PCDH15: variants seen among roughly 807,000 people sequenced by gnomAD.
PCDH15 encodes protocadherin-15.
A neutral mutation model predicts 178.5 loss-of-function variants in PCDH15; 129 were observed. That is an observed-to-expected ratio of 0.72 (90% confidence interval 0.63 to 0.84). PCDH15 has a LOEUF of 0.84. Among genes scored for constraint, PCDH15 ranks in the 40% least tolerant of loss-of-function variants. The pLI is 0.00. For synonymous variants in PCDH15, 800 were observed against 732.0 expected (o/e 1.09, Z -1.50); for missense variants, 2,230 against 2,099.9 (o/e 1.06, Z -1.21).
chr10:54,411,017 TTAAGTA>T (rs1438091383), intron 3 of PCDH15, among the ~76,000 whole-genome samples: 1 of 152,104 alleles, frequency 6.6e-6, no homozygotes, highest in African/African-American at 2.4e-5. Flanking sequence ...TATATAGAGT[TTAAGTA>T]TGTGTCTCTG....
At position 54,563,689 on chromosome 10, in the gene PCDH15, A is replaced by G. The variant is rs147414846; in HGVS notation, c.92-35812T>C. On this transcript the variant is annotated intron_variant, in intron 2 of 37. Coordinates refer to ENST00000644397, the MANE Select transcript of PCDH15 (RefSeq NM_001384140.1). ...AAGGACATCACCTTGCCCTACCAAG[A>G]GAAGGTAGCTGTTAAATTGTGGCTC... is the stretch of plus-strand genomic sequence containing the variant. Among the ~76,000 whole-genome samples the G allele has an allele frequency of 3.0e-3, 458 of 152,262 alleles. 2 individuals are homozygous for G. The highest frequency in any genetic ancestry group is 0.011 in the African/African-American group (446 of 41,584).
chr10:54,855,614 T>C (rs1321814953), intron 3 of PCDH15, among the ~76,000 whole-genome samples: 3 of 152,212 alleles, frequency 2.0e-5, no homozygotes, highest in Non-Finnish European at 4.4e-5. Flanking sequence ...AAATATAGTA[T>C]CTGAGGATCT....
intron 8 of PCDH15, among the ~76,000 whole-genome samples, chr10:54,305,593 A>C (rs756135569): frequency 2.6e-5 from 4 of 152,052 alleles, no homozygotes; most frequent in Non-Finnish European, 5.9e-5. Flanking sequence ...CTCTGTTTTC[A>C]GATGTTTTTA....
At chr10:54,167,276 T>C (rs963678052) in intron 13 of PCDH15, among the ~76,000 whole-genome samples, 19 of 152,146 alleles carry the variant, frequency 1.2e-4, no homozygotes, top group African/African-American at 4.6e-4. Context: ...TCAAATCAGG[T>C]AAGCGGCCTC....
At chr10:54,621,141 C>G (rs74136225) in intron 2 of PCDH15, among the ~76,000 whole-genome samples, 53 of 152,016 alleles carry the variant, frequency 3.5e-4, no homozygotes, top group African/African-American at 1.3e-3. Context: ...GATTCATTCA[C>G]AAATGCAAAA....
intron 2 of PCDH15, among the ~76,000 whole-genome samples, chr10:55,474,378 A>G (rs956212486): frequency 6.6e-6 from 1 of 152,192 alleles, no homozygotes; most frequent in Non-Finnish European, 1.5e-5. Context: ...TTGAATCATT[A>G]AACTCTAAAA....
chr10:55,325,162 A>G (rs1276978897), intron 2 of PCDH15, among the ~76,000 whole-genome samples: 1 of 152,182 alleles, frequency 6.6e-6, no homozygotes, highest in Non-Finnish European at 1.5e-5. Flanking sequence ...CAATTTATAG[A>G]TTCAATGCCA....
At chr10:54,539,975 C>A (rs1295324132) in intron 2 of PCDH15, among the ~76,000 whole-genome samples, 1 of 151,956 alleles carries the variant, frequency 6.6e-6, no homozygotes, top group Non-Finnish European at 1.5e-5. Context: ...CGCAAAATAC[C>A]AACATCTCTG....
intron 26 of PCDH15, among the ~76,000 whole-genome samples, chr10:53,881,306 G>A (rs1259014697): frequency 1.3e-5 from 2 of 152,126 alleles, no homozygotes; most frequent in Non-Finnish European, 2.9e-5. Flanking sequence ...GACTCAGAAA[G>A]GTGGGAGGGT....
Position 53,930,184 on chromosome 10 carries a change from C to T in PCDH15, c.3373+8631G>A, listed in dbSNP as rs187250506. Among the ~76,000 whole-genome samples, 10 of 151,416 alleles carry T rather than the reference C, an allele frequency of 6.6e-5. No individual in the cohort carries two copies. The East Asian group carries it at 1.8e-3, about 27-fold the overall frequency. ...AGAAATAGCAACGCATTCGGCTGGG[C>T]GCGGTGGTTCACGCCTGTAATCCCA... is the stretch of plus-strand genomic sequence containing the variant. On this transcript the variant is annotated intron_variant, in intron 25 of 37. Transcript: ENST00000644397.
intron 13 of PCDH15, among the ~76,000 whole-genome samples, chr10:54,156,181 G>A (rs185681231): frequency 1.8e-4 from 28 of 152,012 alleles, no homozygotes; most frequent in East Asian, 3.9e-4. Flanking sequence ...ATTTCTTTTC[G>A]ATGATGTTTT....
At chr10:55,502,149 C>T (rs1039146678) in intron 2 of PCDH15, among the ~76,000 whole-genome samples, 8 of 151,612 alleles carry the variant, frequency 5.3e-5, no homozygotes, top group Middle Eastern at 3.4e-3. Flanking sequence ...TGCCTTGAAA[C>T]ATCAGGGCTT....
chr10:55,067,611 G>A (rs965586056), intron 2 of PCDH15, among the ~76,000 whole-genome samples: 2 of 149,192 alleles, frequency 1.3e-5, no homozygotes, highest in Middle Eastern at 3.5e-3. Flanking sequence ...CCCAGTAGCG[G>A]AATTGCTGGA....
intron 1 of PCDH15, among the ~76,000 whole-genome samples, chr10:55,229,989 G>A (rs936444902): frequency 6.6e-6 from 1 of 151,880 alleles, no homozygotes; most frequent in African/African-American, 2.4e-5. Context: ...AATAGCAATG[G>A]GGCTATTTTA....
intron 1 of PCDH15, among the ~76,000 whole-genome samples, chr10:55,261,856 AG>A (rs1382834059): frequency 6.6e-6 from 1 of 152,086 alleles, no homozygotes; most frequent in African/African-American, 2.4e-5. Context: ...ATTCCCTTGG[AG>A]TCAATGATTA....
intron 1 of PCDH15, among the ~76,000 whole-genome samples, chr10:54,794,234 G>C (rs1417683139): frequency 6.6e-6 from 1 of 150,478 alleles, no homozygotes; most frequent in Non-Finnish European, 1.5e-5. Flanking sequence ...AATGCTCTTT[G>C]CTTTGGCATT....
At chr10:54,389,631 A>G (rs2135282782) in intron 3 of PCDH15, among the ~76,000 whole-genome samples, 1 of 152,190 alleles carries the variant, frequency 6.6e-6, no homozygotes, top group South Asian at 2.1e-4. Context: ...CATTTCAGCA[A>G]TCTGTGTTTA....
chr10:53,881,168 C>G (rs11003905), intron 26 of PCDH15, among the ~76,000 whole-genome samples: 95,622 of 151,600 alleles, frequency 0.63, 30,951 homozygotes, highest in Middle Eastern at 0.78. Context: ...AGTCTTGCTG[C>G]ATGCAGCTAT....
chr10:54,774,636 C>T (rs1333272165), intron 1 of PCDH15, among the ~76,000 whole-genome samples: 1 of 151,998 alleles, frequency 6.6e-6, no homozygotes. Flanking sequence ...TTAAATTCAC[C>T]AGTGGTTAGT....
Sources: gnomAD v4.1 joint callset for allele counts (sites outside exome capture counted in the v4.1 genomes callset) on GRCh38, gnomAD v4.1.1 for gene constraint, MANE v1.5 for transcripts, NCBI Gene and HGNC (gene_info 2026-07-23, HGNC 2026-07-21) for gene names.